Variants in TMEM132B observed in about 807,000 individuals in gnomAD.
TMEM132B encodes transmembrane protein 132B.
In TMEM132B, 18 loss-of-function variants were observed where a neutral mutation model predicts 90.8. The ratio of observed to expected loss-of-function variants is 0.20; its 90% CI spans 0.14 to 0.29. The LOEUF (loss-of-function observed/expected upper bound fraction) is 0.29. Ranked by LOEUF, TMEM132B falls within the 10% of genes least tolerant of loss-of-function variation. The pLI, the probability that TMEM132B is intolerant of heterozygous loss-of-function variation, is 1.00. For missense variants in TMEM132B, 1,096 were observed against 1,326.8 expected (o/e 0.83, Z 2.70); for synonymous variants, 504 against 523.3 (o/e 0.96, Z 0.50).
chr12:125,282,005 C>G (rs4765244), intron 1 of TMEM132B, among the ~76,000 whole-genome samples: 110,608 of 132,702 alleles, frequency 0.83, 46,166 homozygotes, highest in African/African-American at 0.92. Flanking sequence ...TCCAGCCTGG[C>G]CAACACAGGG....
chr12:125,570,793 AGTCAAG>A (rs1466574352), intron 4 of TMEM132B, among the ~76,000 whole-genome samples: 1 of 152,148 alleles, frequency 6.6e-6, no homozygotes, highest in Non-Finnish European at 1.5e-5. Context: ...AAAAATCAGA[AGTCAAG>A]GTGTCTGAGG....
At chr12:125,208,162 G>A (rs760375467) in intron 1 of TMEM132B, among the ~76,000 whole-genome samples, 9 of 152,214 alleles carry the variant, frequency 5.9e-5, no homozygotes, top group Non-Finnish European at 1.0e-4. Context: ...CTCCCTGGTA[G>A]CTCACCTGGC....
At chr12:125,300,251 G>A (rs751230888) in intron 1 of TMEM132B, among the ~76,000 whole-genome samples, 24 of 152,168 alleles carry the variant, frequency 1.6e-4, no homozygotes, top group Middle Eastern at 3.4e-3. Flanking sequence ...GCCCAGGGTG[G>A]TCTCCAACTC....
intron 1 of TMEM132B, among the ~76,000 whole-genome samples, chr12:125,203,516 C>A (rs1873113605): frequency 6.6e-6 from 1 of 152,156 alleles, no homozygotes; most frequent in African/African-American, 2.4e-5. Flanking sequence ...ACTTCTGTGA[C>A]CATCTTGACA....
At chr12:125,215,574 C>G (rs1270643846) in intron 1 of TMEM132B, among the ~76,000 whole-genome samples, 1 of 152,142 alleles carries the variant, frequency 6.6e-6, no homozygotes, top group Non-Finnish European at 1.5e-5. Context: ...TGGAGTCTCG[C>G]TCTGTTGCCC....
At chr12:125,558,909 A>G (rs1884456023) in intron 4 of TMEM132B, among the ~76,000 whole-genome samples, 1 of 152,240 alleles carries the variant, frequency 6.6e-6, no homozygotes, top group Admixed American at 6.5e-5. Flanking sequence ...AGCTAAGATG[A>G]CAAATATATT....
At chr12:125,500,173 G>A (rs939086780) in intron 3 of TMEM132B, among the ~76,000 whole-genome samples, 3 of 152,182 alleles carry the variant, frequency 2.0e-5, no homozygotes, top group African/African-American at 7.2e-5. Flanking sequence ...TGCATTGCAG[G>A]CTGCTGGCCA....
chr12:125,510,235 G>A (rs951868927), intron 3 of TMEM132B, among the ~76,000 whole-genome samples: 3 of 152,174 alleles, frequency 2.0e-5, no homozygotes, highest in South Asian at 2.1e-4. Context: ...TTTGGCAGCC[G>A]AGAAAGTGGA....
At chr12:125,355,403 T>G (rs1877732943) in intron 2 of TMEM132B, among the ~76,000 whole-genome samples, 1 of 152,036 alleles carries the variant, frequency 6.6e-6, no homozygotes, top group Admixed American at 6.6e-5. Context: ...TGTGATGGGC[T>G]TGGGAGCACA....
intron 4 of TMEM132B, among the ~76,000 whole-genome samples, chr12:125,554,793 G>A (rs1475697949): frequency 1.3e-5 from 2 of 152,132 alleles, no homozygotes; most frequent in African/African-American, 2.4e-5. Context: ...TCCTCAGTCA[G>A]CTGTTTCTTC....
At chr12:125,380,476 G>C (rs1385729788) in intron 2 of TMEM132B, among the ~76,000 whole-genome samples, 1 of 152,214 alleles carries the variant, frequency 6.6e-6, no homozygotes, top group Non-Finnish European at 1.5e-5. Context: ...CAATGAGCAA[G>C]ATGAGTGCAT....
At chr12:125,264,559 T>C (rs576065598) in intron 1 of TMEM132B, among the ~76,000 whole-genome samples, 59 of 152,246 alleles carry the variant, frequency 3.9e-4, no homozygotes, top group Non-Finnish European at 7.4e-5. Flanking sequence ...GATGGACTGT[T>C]TTGGGTGGGA....
chr12:125,350,472 T>C, intron 2 of TMEM132B, 129 bp downstream of exon 2: 2 of 1,127,332 alleles, frequency 1.8e-6, no homozygotes, highest in Admixed American at 2.4e-5. Context: ...GTCATTAAAG[T>C]GGTGAAAACA....
At chr12:125,455,285 C>G (rs1329076123) in intron 3 of TMEM132B, among the ~76,000 whole-genome samples, 1 of 152,064 alleles carries the variant, frequency 6.6e-6, no homozygotes, top group African/African-American at 2.4e-5. Context: ...GTGGTGAATG[C>G]TATCTTGGGA....
intron 2 of TMEM132B, among the ~76,000 whole-genome samples, chr12:125,403,871 T>C (rs1231063736): frequency 6.6e-6 from 1 of 152,208 alleles, no homozygotes; most frequent in African/African-American, 2.4e-5. Context: ...ATTGTCCCTC[T>C]ACCCTAGATG....
At chr12:125,348,353 G>C (rs1489345230) in intron 1 of TMEM132B, among the ~76,000 whole-genome samples, 3 of 152,158 alleles carry the variant, frequency 2.0e-5, no homozygotes, top group Non-Finnish European at 2.9e-5. Context: ...TTGAGACAGG[G>C]TTTTGTTCTG....
chr12:125,518,267 G>A (rs747612974), intron 3 of TMEM132B, among the ~76,000 whole-genome samples: 69 of 152,266 alleles, frequency 4.5e-4, no homozygotes, highest in African/African-American at 1.4e-3. Context: ...GGAGCTGTCC[G>A]TGGTAGGAGA....
intron 1 of TMEM132B, among the ~76,000 whole-genome samples, chr12:125,310,668 G>A (rs1593078997): frequency 6.6e-6 from 1 of 152,136 alleles, no homozygotes; most frequent in East Asian, 1.9e-4. Context: ...TGCTTCCTCT[G>A]GTAGGCCTCT....
chr12:125,196,486 T>C (rs1161518750), intron 1 of TMEM132B, among the ~76,000 whole-genome samples: 1 of 152,166 alleles, frequency 6.6e-6, no homozygotes, highest in Admixed American at 6.5e-5. Flanking sequence ...GGTGGGTGGA[T>C]CACATTAGGC....
Sources: allele counts gnomAD v4.1 joint callset (sites outside exome capture counted in the v4.1 genomes callset), GRCh38; gene constraint gnomAD v4.1.1; transcripts MANE v1.5; gene names NCBI Gene and HGNC (gene_info 2026-07-23, HGNC 2026-07-21).